Variants in RSAD1 observed in about 807,000 individuals in gnomAD.
RSAD1 encodes radical S-adenosyl methionine domain containing 1, also known as radical S-adenosyl methionine domain-containing protein 1, mitochondrial.
A neutral mutation model predicts 46.2 loss-of-function variants in RSAD1; 34 were observed. The observed-to-expected ratio is 0.74, with a 90% CI of 0.56 to 0.98. The LOEUF (loss-of-function observed/expected upper bound fraction) is 0.98. RSAD1 is among the 50% of genes least tolerant of loss of function. RSAD1 has a pLI of 0.00. For synonymous variants in RSAD1, 260 were observed against 253.5 expected, an observed-to-expected ratio of 1.03 and a Z score of -0.24; for missense variants, 635 against 592.3, an observed-to-expected ratio of 1.07 and a Z score of -0.75.
At position 50,478,945 on chromosome 17, in the gene RSAD1, C is replaced by G; in HGVS notation, c.61C>G (p.Arg21Gly). 2 of 1,387,262 alleles carry G rather than the reference C, an allele frequency of 1.4e-6. No individual in the cohort carries two copies. Among genetic ancestry groups the G allele is most frequent in the Admixed American group, 3.3e-5 (1 of 30,244 alleles). The allele number at this position is 1,387,262 out of a possible 1,614,324, so 85.9% of individuals were successfully genotyped here. The stretch of plus-strand genomic sequence containing the variant: ...GGCAGCAGCCAGAGCGGCCCAGAGG[C>G]GCCGCCGCGTGGAGAACGCAGGAGG... Reference protein sequence around the residue: ...WAAAARAAQRRRRVENAGGSP... With the variant: ...WAAAARAAQRGRRVENAGGSP... The change falls in exon 1 of 9, where the codon CGC becomes GGC. Residue 21 changes from arginine to glycine, a missense_variant. Physicochemically the swap from Arg to Gly is moderately radical, Grantham distance 125. Transcript: ENST00000258955.
At chr17:50,479,139 C>T in intron 1 of RSAD1, 120 bp downstream of exon 1, 1 of 1,118,380 alleles carries the variant, frequency 8.9e-7, no homozygotes, top group East Asian at 3.2e-5. Flanking sequence ...TGTTTCCGTG[C>T]CCCCGTACGA....
At position 50,483,335 on chromosome 17, in the gene RSAD1, G is replaced by A. The variant is rs773289148; in HGVS notation, c.905-5G>A. 6.2e-6 allele frequency: 10 copies of A among 1,613,374 alleles called. No individual in the cohort carries two copies. Among genetic ancestry groups the A allele is most frequent in the African/African-American group, 2.7e-5 (2 of 74,918 alleles). ...TAATGTGGGGATGGTTGTTGATGTT[G>A]TCAGGGGCCCATGGACGATTTATGC... On this transcript the variant is annotated splice_polypyrimidine_tract_variant and splice_region_variant and intron_variant, in intron 5 of 8. Coordinates refer to ENST00000258955, the MANE Select transcript of RSAD1 (RefSeq NM_018346.3).
At chr17:50,480,744 G>T (rs1337790032) in intron 3 of RSAD1, 2 of 152,872 alleles carry the variant, frequency 1.3e-5, no homozygotes, top group African/African-American at 4.8e-5. Context: ...AGTCGTCTCA[G>T]GTTGACCTCC....
At chr17:50,480,137 T>G (rs746664627) in intron 3 of RSAD1, 53 bp downstream of exon 3, 80 of 1,560,964 alleles carry the variant, frequency 5.1e-5, no homozygotes, top group Non-Finnish European at 7.1e-5. Flanking sequence ...CAGTGCCATC[T>G]CCTCTTTGGT....
intron 3 of RSAD1, 99 bp downstream of exon 3, chr17:50,480,183 C>T (rs749179406): frequency 3.8e-5 from 48 of 1,268,118 alleles, no homozygotes; most frequent in Non-Finnish European, 5.1e-5. Context: ...GATTGAGCAC[C>T]TTCTGGGTGC....
Position 50,479,694 on chromosome 17 carries a change from G to A in RSAD1, c.201G>A (p.Glu67=). ...ACAAGTACATCCCTCGCCGCCTGGA[G>A]GAGGCTGCCATGCAGAAGTGTCTGG... ...NFNKYIPRRL[E]EAAMQKCLVT... The change falls in exon 2 of 9, where the codon GAG becomes GAA. Residue 67 remains glutamate, a synonymous_variant. Transcript: ENST00000258955. 6.2e-7 allele frequency: 1 copy of A among 1,614,028 alleles called. No individual in the cohort carries two copies. Among genetic ancestry groups the A allele is most frequent in the Non-Finnish European group, 8.5e-7 (1 of 1,180,010 alleles).
At chr17:50,483,188 AAAAAG>A in intron 5 of RSAD1, 147 bp from the exon 6 acceptor site, 39 of 925,236 alleles carry the variant, frequency 4.2e-5, no homozygotes, top group East Asian at 1.8e-4. Flanking sequence ...AAAAAAAAAA[AAAAAG>A]AAAGAAAGAA....
chr17:50,483,549 T>C (rs1412023920), intron 6 of RSAD1, 62 bp downstream of exon 6: 1 of 1,594,146 alleles, frequency 6.3e-7, no homozygotes, highest in Non-Finnish European at 8.6e-7. Context: ...CCATGTCTAT[T>C]TGTATATCTT....
intron 3 of RSAD1, among the ~76,000 whole-genome samples, chr17:50,481,518 A>G (rs947687052): frequency 1.3e-5 from 2 of 152,212 alleles, no homozygotes; most frequent in African/African-American, 4.8e-5. Context: ...GCTACTACCT[A>G]TCATATTGGA....
At chr17:50,479,252 A>C in intron 1 of RSAD1, 1 of 501,798 alleles carries the variant, frequency 2.0e-6, no homozygotes, top group Non-Finnish European at 3.3e-6. Context: ...AATGGTTCAA[A>C]TTTCATAACA....
In RSAD1 at chr17:50,482,234, G is replaced by A. The variant is rs1858173614; in HGVS notation, c.618G>A (p.Gly206=). Residue 206 remains glycine (G), a synonymous_variant, in exon 4 of 9, where the codon GGG becomes GGA. Transcript: ENST00000258955. ...TGGGGCTGCCGGCACAGCAGGTGGG[G>A]CCGTGGCTTGGGCAGCTGCAGGAAC... The part of the protein sequence containing the change: ...LMLGLPAQQV[G]PWLGQLQELL... The A allele has an allele frequency of 6.4e-7, 1 of 1,570,298 alleles. No individual in the cohort carries two copies. Among genetic ancestry groups the A allele is most frequent in the Admixed American group, 1.8e-5 (1 of 55,510 alleles).
At chr17:50,479,334 A>C in intron 1 of RSAD1, 1 of 491,288 alleles carries the variant, frequency 2.0e-6, no homozygotes, top group East Asian at 3.5e-5. Flanking sequence ...AATGGCTCAT[A>C]GGAAAATTGT....
Position 50,485,453 on chromosome 17 carries a change from C to G in RSAD1, c.*592C>G, listed in dbSNP as rs2033441537. 2 of 152,412 alleles carry G rather than the reference C, an allele frequency of 1.3e-5. No homozygotes were observed. Among genetic ancestry groups the G allele is most frequent in the African/African-American group, 4.8e-5 (2 of 41,454 alleles). The allele number at this position is 152,412 out of a possible 1,614,324, so 9.4% of individuals were successfully genotyped here. A position where few individuals can be genotyped will look rare whatever the true frequency, so the allele number is the denominator to read the frequency against. ...CAGCAGCACAAAAGCAGATGATGTA[C>G]TGGAAAATGCTCAGAAGATGCTACA... is the stretch of plus-strand genomic sequence containing the variant. On this transcript the variant is annotated 3_prime_UTR_variant, in exon 9 of 9. Transcript: ENST00000258955.
rs1331559355 is a variant in RSAD1 at position 50,485,541 on chromosome 17, C to G, written c.*680C>G. 6.6e-6 allele frequency: 1 copy of G among 152,308 alleles called. No homozygotes were observed. Among genetic ancestry groups the G allele is most frequent in the Admixed American group, 6.5e-5 (1 of 15,296 alleles). The allele number at this position is 152,308 out of a possible 1,614,324, so 9.4% of individuals were successfully genotyped here. Reference sequence around the variant, plus strand: ...AATCATGGTTTCTAGAAGTGCCTCTCATTAGTGGACTTTAAAGCAAATCCT... The same window carrying G: ...AATCATGGTTTCTAGAAGTGCCTCTGATTAGTGGACTTTAAAGCAAATCCT... On this transcript the variant is annotated 3_prime_UTR_variant, in exon 9 of 9. Transcript: ENST00000258955.
chr17:50,479,052 GTGGCCGCAGCCC>G (rs1180864875), intron 1 of RSAD1, 33 bp downstream of exon 1: 22 of 1,312,174 alleles, frequency 1.7e-5, no homozygotes, highest in Non-Finnish European at 2.1e-5. Flanking sequence ...CCCACGGTGT[GTGGCCGCAGCCC>G]TGGCCGTGAC....
In RSAD1 at chr17:50,478,998, G is replaced by T; in HGVS notation, c.114G>T (p.Arg38=). 7.3e-7 allele frequency: 1 copy of T among 1,373,592 alleles called. No homozygotes were observed. The highest frequency in any genetic ancestry group is 9.3e-7 in the Non-Finnish European group (1 of 1,069,680). 85.1% of individuals were successfully genotyped at this position (1,373,592 alleles called of 1,614,324 possible). Residue 38 remains arginine (R), a synonymous_variant, in exon 1 of 9, where the codon CGG becomes CGT. Coordinates refer to ENST00000258955, the MANE Select transcript of RSAD1 (RefSeq NM_018346.3). Reference sequence around the variant, plus strand: ...CCCCGAGTCCTGAGCCTGCGGGCCGGCGCGCGGCGCTTTACGTACACGTGA... The same window carrying T: ...CCCCGAGTCCTGAGCCTGCGGGCCGTCGCGCGGCGCTTTACGTACACGTGA... ...GGSPSPEPAG[R]RAALYVHWPY...
intron 1 of RSAD1, chr17:50,479,392 G>T: frequency 1.8e-6 from 1 of 540,716 alleles, no homozygotes; most frequent in South Asian, 2.5e-5. Context: ...ATTCCTTCCT[G>T]ACGTCTGCTG....
chr17:50,483,874 G>T (rs552738665), intron 7 of RSAD1, 114 bp downstream of exon 7: 2 of 1,052,790 alleles, frequency 1.9e-6, no homozygotes, highest in East Asian at 5.2e-5. Flanking sequence ...GAGATTGGCA[G>T]CTAGAAGTGG....
At position 50,479,004 on chromosome 17, in the gene RSAD1, G is replaced by A; in HGVS notation, c.120G>A (p.Ala40=). The stretch of plus-strand genomic sequence containing the variant: ...GTCCTGAGCCTGCGGGCCGGCGCGC[G>A]GCGCTTTACGTACACGTGAGTAGGG... ...SPSPEPAGRR[A]ALYVHWPYCE... The change falls in exon 1 of 9, where the codon GCG becomes GCA. Residue 40 remains alanine, a synonymous_variant. Coordinates refer to ENST00000258955, the MANE Select transcript of RSAD1 (RefSeq NM_018346.3). 1 of 1,367,012 alleles carries A rather than the reference G, an allele frequency of 7.3e-7. No homozygotes were observed. Among genetic ancestry groups the A allele is most frequent in the Non-Finnish European group, 9.4e-7 (1 of 1,067,138 alleles). The allele number at this position is 1,367,012 out of a possible 1,614,324, so 84.7% of individuals were successfully genotyped here.
Sources: allele counts gnomAD v4.1 joint callset (sites outside exome capture counted in the v4.1 genomes callset), GRCh38; gene constraint gnomAD v4.1.1; transcripts MANE v1.5; gene names NCBI Gene and HGNC (gene_info 2026-07-23, HGNC 2026-07-21).